The following MORC1 variants were observed in gnomAD, a reference collection of about 807,000 sequenced individuals.
The protein encoded by MORC1 is MORC family CW-type zinc finger 1, also known as MORC family CW-type zinc finger protein 1.
Under a neutral mutation model 134.9 loss-of-function variants are expected in MORC1, and 59 were observed. That is an observed-to-expected ratio of 0.44 (90% CI 0.35 to 0.54). The LOEUF is 0.54. Among genes scored for constraint, MORC1 ranks in the 20% least tolerant of loss-of-function variants. MORC1 has a pLI of 0.00. For missense variants in MORC1, 947 were observed against 1,134.5 expected, an observed-to-expected ratio of 0.83 and a Z score of 2.37; for synonymous variants, 395 against 391.7, an observed-to-expected ratio of 1.01 and a Z score of -0.10.
intron 21 of MORC1, among the ~76,000 whole-genome samples, chr3:108,989,165 G>A (rs1386276699): frequency 1.3e-5 from 2 of 152,020 alleles, no homozygotes; most frequent in Non-Finnish European, 2.9e-5. Context: ...TTGTTTTTTC[G>A]ATTATGTTAT....
rs35362201 is a variant in MORC1 at position 109,040,399 on chromosome 3, A to AGAAGGAAGG, written c.1331-4932_1331-4931insCCTTCCTTC. ...GAAAGAAAGAAAGAAAGAAAGAAAGAAAGAGAAGGAAGGAAGGAAGGAAGG... is the reference window on the plus strand; with the variant it reads ...GAAAGAAAGAAAGAAAGAAAGAAAGAGAAGGAAGGAAGAGAAGGAAGGAAGGAAGGAAGG... On this transcript the variant is annotated intron_variant, in intron 14 of 27. Coordinates refer to ENST00000232603, the MANE Select transcript of MORC1 (RefSeq NM_014429.4). 7.6e-3 allele frequency among the ~76,000 whole-genome samples: 285 copies of AGAAGGAAGG among 37,438 alleles called. 5 individuals carry two copies. The highest frequency in any genetic ancestry group is 0.016 in the Non-Finnish European group (226 of 14,414). 24.6% of individuals were successfully genotyped at this position (37,438 alleles called of 152,430 possible). A position where few individuals can be genotyped will look rare whatever the true frequency, so the allele number is the denominator to read the frequency against.
rs182573978 is a variant in MORC1 at position 109,086,028 on chromosome 3, G to A, written c.689+7408C>T. ...TATAACATGTTCTCATTCATATGTA[G>A]GAGCTTAAAAAGTGAATCTCATTAA... is the stretch of plus-strand genomic sequence containing the variant. On this transcript the variant is annotated intron_variant, in intron 8 of 27. Coordinates refer to ENST00000232603, the MANE Select transcript of MORC1 (RefSeq NM_014429.4). Among the ~76,000 whole-genome samples, 813 of 152,176 alleles carry A rather than the reference G, an allele frequency of 5.3e-3. 10 individuals are homozygous for A. The highest frequency in any genetic ancestry group is 7.4e-3 in the Non-Finnish European group (505 of 67,962).
At chr3:109,029,527 T>G (rs1949184460) in intron 16 of MORC1, among the ~76,000 whole-genome samples, 1 of 152,248 alleles carries the variant, frequency 6.6e-6, no homozygotes, top group African/African-American at 2.4e-5. Context: ...CATTTTTGGT[T>G]CAGCCAAGTA....
At chr3:109,098,603 T>C (rs936971557) in intron 6 of MORC1, among the ~76,000 whole-genome samples, 1 of 152,190 alleles carries the variant, frequency 6.6e-6, no homozygotes, top group Non-Finnish European at 1.5e-5. Flanking sequence ...AAACCCTCAT[T>C]GGGCACTCGA....
intron 6 of MORC1, among the ~76,000 whole-genome samples, chr3:109,095,678 T>C (rs1950819558): frequency 6.6e-6 from 1 of 152,200 alleles, no homozygotes; most frequent in South Asian, 2.1e-4. Context: ...CGAGTGAAAG[T>C]ATACTTAGCA....
At chr3:109,012,353 T>G (rs552557935) in intron 17 of MORC1, among the ~76,000 whole-genome samples, 3 of 152,350 alleles carry the variant, frequency 2.0e-5, no homozygotes, top group African/African-American at 7.2e-5. Context: ...TACAGTTTTA[T>G]TATGAGTATT....
chr3:109,038,436 G>A (rs1043843794), intron 14 of MORC1, among the ~76,000 whole-genome samples: 1 of 152,092 alleles, frequency 6.6e-6, no homozygotes, highest in African/African-American at 2.4e-5. Context: ...AAGCTCTTCA[G>A]TTTAATTAGA....
chr3:108,976,673 A>G (rs1947572854), intron 24 of MORC1, among the ~76,000 whole-genome samples: 1 of 152,174 alleles, frequency 6.6e-6, no homozygotes, highest in South Asian at 2.1e-4. Flanking sequence ...ATCATAGAAT[A>G]TTTTTAATAA....
At chr3:108,978,862 C>T (rs562984368) in intron 24 of MORC1, among the ~76,000 whole-genome samples, 1 of 152,292 alleles carries the variant, frequency 6.6e-6, no homozygotes, top group African/African-American at 2.4e-5. Context: ...CCAACAAAAC[C>T]AATGAGGTAC....
intron 26 of MORC1, among the ~76,000 whole-genome samples, chr3:108,963,981 C>T (rs1947151299): frequency 6.6e-6 from 1 of 152,200 alleles, no homozygotes; most frequent in Admixed American, 6.5e-5. Context: ...ACTCTCTCCA[C>T]AGCACCAGTA....
intron 3 of MORC1, chr3:109,110,483 G>A (rs999236395): frequency 3.6e-5 from 14 of 385,424 alleles, no homozygotes; most frequent in African/African-American, 8.4e-5. Flanking sequence ...TCTCATGGCA[G>A]GCAAATTGAG....
chr3:108,977,435 C>T (rs1947593442), intron 24 of MORC1, among the ~76,000 whole-genome samples: 1 of 152,050 alleles, frequency 6.6e-6, no homozygotes, highest in Non-Finnish European at 1.5e-5. Context: ...CCAGGCTGAT[C>T]TCGAACTGCT....
intron 16 of MORC1, among the ~76,000 whole-genome samples, chr3:109,030,086 G>C (rs75164593): frequency 0.017 from 2,529 of 152,254 alleles, 80 homozygotes; most frequent in African/African-American, 0.059. Flanking sequence ...TTCAAATGCT[G>C]TCTGTTGGTA....
chr3:109,067,145 G>A (rs17225742), intron 9 of MORC1, among the ~76,000 whole-genome samples: 18,149 of 152,032 alleles, frequency 0.12, 1,163 homozygotes, highest in Non-Finnish European at 0.14. Context: ...AGGACCATGC[G>A]GTTCCTATGA....
intron 17 of MORC1, among the ~76,000 whole-genome samples, chr3:109,021,143 T>C (rs72935350): frequency 0.011 from 1,739 of 152,224 alleles, 35 homozygotes; most frequent in African/African-American, 0.038. Context: ...ACTTGTATCT[T>C]ACTCTGAGCA....
At chr3:109,055,951 A>C (rs1042608330) in intron 13 of MORC1, among the ~76,000 whole-genome samples, 3 of 152,198 alleles carry the variant, frequency 2.0e-5, no homozygotes, top group Non-Finnish European at 4.4e-5. Flanking sequence ...TCCTGTGGAG[A>C]ATACTTTAGG....
intron 9 of MORC1, among the ~76,000 whole-genome samples, chr3:109,069,385 A>G (rs1950267151): frequency 6.6e-6 from 1 of 152,228 alleles, no homozygotes. Context: ...CACTGAAGTA[A>G]AAAACAAATT....
intron 26 of MORC1, among the ~76,000 whole-genome samples, chr3:108,969,164 A>G (rs754505025): frequency 3.9e-5 from 6 of 152,150 alleles, no homozygotes; most frequent in East Asian, 1.9e-4. Context: ...AAAAATATTA[A>G]TATCAGTGAT....
chr3:109,069,017 G>A (rs1016961194), intron 9 of MORC1, among the ~76,000 whole-genome samples: 3 of 151,296 alleles, frequency 2.0e-5, no homozygotes, highest in African/African-American at 7.3e-5. Context: ...TTGGCCAGGC[G>A]TGGTGGTGCA....
Sources: gnomAD v4.1 joint callset for allele counts (sites outside exome capture counted in the v4.1 genomes callset) on GRCh38, gnomAD v4.1.1 for gene constraint, MANE v1.5 for transcripts, NCBI Gene and HGNC (gene_info 2026-07-23, HGNC 2026-07-21) for gene names.